Variants in KIFAP3 observed in about 807,000 individuals in gnomAD.
The protein encoded by KIFAP3 is kinesin associated protein 3.
KIFAP3 carries 68 observed loss-of-function variants against 106.5 expected under a neutral mutation model. That is an observed-to-expected ratio of 0.64 (90% CI 0.53 to 0.78). The LOEUF (loss-of-function observed/expected upper bound fraction) is 0.78, where lower values mean the gene tolerates loss of function less well. KIFAP3 is among the 30% of genes least tolerant of loss of function. KIFAP3 has a pLI of 0.00. For synonymous variants in KIFAP3, 320 were observed against 311.5 expected (o/e 1.03, Z -0.29); for missense variants, 780 against 941.8 (o/e 0.83, Z 2.25).
chr1:169,993,877 T>A (rs576300213), intron 10 of KIFAP3, among the ~76,000 whole-genome samples: 24 of 152,374 alleles, frequency 1.6e-4, no homozygotes, highest in African/African-American at 5.8e-4. Flanking sequence ...AGAGCAAGAC[T>A]GTCTCAAAAA....
chr1:170,044,930 G>A (rs764070327), intron 3 of KIFAP3, among the ~76,000 whole-genome samples: 29 of 152,162 alleles, frequency 1.9e-4, no homozygotes, highest in Non-Finnish European at 4.0e-4. Context: ...CTTATGACAA[G>A]TAAAGTATAT....
At chr1:170,024,926 G>C (rs2102024479) in intron 8 of KIFAP3, among the ~76,000 whole-genome samples, 2 of 152,074 alleles carry the variant, frequency 1.3e-5, no homozygotes, top group South Asian at 4.1e-4. Flanking sequence ...ATTAAAGGTA[G>C]ATAAGTCAGG....
At chr1:169,997,251 T>G (rs560213345) in intron 10 of KIFAP3, among the ~76,000 whole-genome samples, 35 of 152,324 alleles carry the variant, frequency 2.3e-4, no homozygotes, top group Admixed American at 1.8e-3. Context: ...CTGAAAAGGT[T>G]GTTGTGTGAG....
intron 16 of KIFAP3, among the ~76,000 whole-genome samples, chr1:169,973,100 A>AGTGTGT (rs199766640): frequency 1.1e-3 from 16 of 14,834 alleles, no homozygotes; most frequent in African/African-American, 6.0e-3. Context: ...TTTAAAAAAT[A>AGTGTGT]GTGTGTATAT....
intron 9 of KIFAP3, 104 bp downstream of exon 9, chr1:170,024,314 C>T (rs1028519556): frequency 4.7e-6 from 3 of 644,808 alleles, no homozygotes; most frequent in Non-Finnish European, 7.6e-6. Context: ...AATCTTTATT[C>T]AGAATTATCT....
At chr1:170,071,531 T>TATATAAATATATATAA (rs1671703154) in intron 1 of KIFAP3, among the ~76,000 whole-genome samples, 2 of 152,204 alleles carry the variant, frequency 1.3e-5, no homozygotes, top group African/African-American at 4.8e-5. Flanking sequence ...GTGAGGGCTT[T>TATATAAATATATATAA]TGTGCTTCAT....
rs1279388026 is a variant in KIFAP3, at chr1:169,961,201, C to T, written c.2018G>A (p.Ser673Asn). 2 of 1,613,174 alleles carry T rather than the reference C, an allele frequency of 1.2e-6. No homozygotes were observed. The highest frequency in any genetic ancestry group is 1.7e-4 in the Middle Eastern group (1 of 6,056). Residue 673 changes from serine to asparagine, a missense_variant, in exon 18 of 20, where the codon AGT becomes AAT. Physicochemically the swap from Ser to Asn is conservative, Grantham distance 46. Coordinates refer to ENST00000361580, the MANE Select transcript of KIFAP3 (RefSeq NM_014970.4). ...AGAGTTATGCCAGCGAAACTTTTCA[C>T]TCTGAATTTTCTTAGCCCATTCTTC... ...YDEEWAKKIQ[S>N]EKFRWHNSQW...
intron 1 of KIFAP3, among the ~76,000 whole-genome samples, chr1:170,064,542 TG>T (rs2102155574): frequency 6.6e-6 from 1 of 152,240 alleles, no homozygotes; most frequent in African/African-American, 2.4e-5. Context: ...TTTATAGAGA[TG>T]GGGTTTCAAC....
At chr1:169,935,264 A>G (rs535380214) in intron 19 of KIFAP3, among the ~76,000 whole-genome samples, 1 of 152,160 alleles carries the variant, frequency 6.6e-6, no homozygotes, top group South Asian at 2.1e-4. Flanking sequence ...TTTAAGCTAC[A>G]GTTGCATTTT....
intron 19 of KIFAP3, among the ~76,000 whole-genome samples, chr1:169,933,972 A>G (rs890110989): frequency 2.0e-5 from 3 of 152,144 alleles, no homozygotes; most frequent in African/African-American, 7.2e-5. Context: ...AATAATGGCT[A>G]TATCTTTTAA....
At chr1:169,929,449 A>G (rs1360526389) in intron 19 of KIFAP3, among the ~76,000 whole-genome samples, 6 of 152,114 alleles carry the variant, frequency 3.9e-5, no homozygotes, top group Non-Finnish European at 7.4e-5. Context: ...TTTTTCATTG[A>G]ACCAATATTA....
intron 10 of KIFAP3, among the ~76,000 whole-genome samples, chr1:170,011,910 A>G (rs1463005567): frequency 6.6e-6 from 1 of 152,116 alleles, no homozygotes; most frequent in Non-Finnish European, 1.5e-5. Context: ...CATTCTAGTA[A>G]TATCATGAAA....
chr1:169,945,251 C>A (rs935825416), intron 19 of KIFAP3, among the ~76,000 whole-genome samples: 1 of 152,154 alleles, frequency 6.6e-6, no homozygotes, highest in Non-Finnish European at 1.5e-5. Context: ...TTGGAGCAGG[C>A]ACCGGCAACA....
chr1:170,048,597 C>T (rs1235305112), intron 2 of KIFAP3, among the ~76,000 whole-genome samples: 5 of 151,568 alleles, frequency 3.3e-5, no homozygotes, highest in Non-Finnish European at 7.4e-5. Context: ...GTGAGACCAA[C>T]GCAAAAGGTG....
upstream of KIFAP3, among the ~76,000 whole-genome samples, chr1:170,076,536 A>G (rs190684587): frequency 9.6e-4 from 146 of 152,322 alleles, no homozygotes; most frequent in Non-Finnish European, 1.9e-3. Flanking sequence ...ACTCAACAAC[A>G]TAGAAAAACA....
intron 9 of KIFAP3, among the ~76,000 whole-genome samples, chr1:170,021,941 C>CTTTT (rs71125221): frequency 5.1e-4 from 40 of 77,900 alleles, no homozygotes; most frequent in African/African-American, 7.6e-4. Flanking sequence ...TCTTTTCTTT[C>CTTTT]TTTTTTTTTT....
chr1:169,952,745 T>C (rs547376567), intron 19 of KIFAP3, among the ~76,000 whole-genome samples: 23 of 152,104 alleles, frequency 1.5e-4, no homozygotes, highest in Non-Finnish European at 2.8e-4. Flanking sequence ...GTAAAACATA[T>C]AATAATACTT....
upstream of KIFAP3, among the ~76,000 whole-genome samples, chr1:170,075,858 T>C (rs982260351): frequency 1.3e-5 from 2 of 152,218 alleles, no homozygotes; most frequent in African/African-American, 2.4e-5. Flanking sequence ...CTTCTACCAA[T>C]AGTCTAATCA....
rs116279951 is a variant in KIFAP3 at position 169,982,826 on chromosome 1, T to A, written c.1548A>T (p.Glu516Asp). The A allele has an allele frequency of 7.9e-5, 126 of 1,604,128 alleles. No individual in the cohort carries two copies. In the African/African-American group the frequency reaches 1.5e-3, roughly 19 times the overall value. Residue 516 changes from glutamate (E) to aspartate (D), a missense_variant, in exon 14 of 20, where the codon GAA (glutamate) becomes GAT (aspartate). Transcript: ENST00000361580. ...GDLAAQISND[E>D]EEEFVIECLG... ...AACATTCAATCACAAACTCCTCTTC[T>A]TCATCATTAGAGATCTGGGCTGCAA...
Sources: gnomAD v4.1 joint callset for allele counts (sites outside exome capture counted in the v4.1 genomes callset) on GRCh38, gnomAD v4.1.1 for gene constraint, MANE v1.5 for transcripts, NCBI Gene and HGNC (gene_info 2026-07-23, HGNC 2026-07-21) for gene names.